The following GK5 variants were observed in gnomAD, a reference collection of about 807,000 sequenced individuals.
GK5 encodes glycerol kinase 5.
In GK5, 39 loss-of-function variants were observed where a neutral mutation model predicts 77.3. The observed-to-expected ratio is 0.50, with a 90% CI of 0.39 to 0.66. The LOEUF (loss-of-function observed/expected upper bound fraction) is 0.66. Among genes scored for constraint, GK5 ranks in the 30% least tolerant of loss-of-function variants. The pLI is 0.00. For synonymous variants in GK5, 211 were observed against 208.0 expected (o/e 1.01, Z -0.13); for missense variants, 487 against 633.8 (o/e 0.77, Z 2.49).
intron 8 of GK5, 84 bp downstream of exon 8, chr3:142,186,110 C>T: frequency 8.6e-7 from 1 of 1,169,202 alleles, no homozygotes; most frequent in Non-Finnish European, 1.3e-6. Flanking sequence ...GTCCTTCAAA[C>T]ATGTAATAAA....
chr3:142,211,456 G>A (rs977237074), intron 3 of GK5, among the ~76,000 whole-genome samples: 3 of 152,136 alleles, frequency 2.0e-5, no homozygotes, highest in Non-Finnish European at 4.4e-5. Context: ...CAGAGGAACT[G>A]CAGATGTAGG....
intron 5 of GK5, among the ~76,000 whole-genome samples, chr3:142,195,629 G>C (rs1481568600): frequency 6.6e-6 from 1 of 152,194 alleles, no homozygotes; most frequent in African/African-American, 2.4e-5. Context: ...TGGGATTACA[G>C]GCATGAGCCA....
intron 7 of GK5, 52 bp downstream of exon 7, chr3:142,186,400 T>C (rs946259136): frequency 9.1e-7 from 1 of 1,104,134 alleles, no homozygotes. Context: ...TTTAAATCTA[T>C]CTATATTACA....
intron 11 of GK5, among the ~76,000 whole-genome samples, chr3:142,178,188 TA>T: frequency 6.6e-6 from 1 of 152,164 alleles, no homozygotes; most frequent in East Asian, 1.9e-4. Context: ...TTGGGCTGTT[TA>T]AAAAATCAAT....
At chr3:142,167,416 T>G (rs1467127800) in intron 15 of GK5, among the ~76,000 whole-genome samples, 1 of 152,022 alleles carries the variant, frequency 6.6e-6, no homozygotes, top group Non-Finnish European at 1.5e-5. Context: ...AAGGTATTAA[T>G]GTAGACAAGT....
Position 142,157,952 on chromosome 3 carries a change from T to C in GK5, c.*7670A>G, listed in dbSNP as rs1009990508. On this transcript the variant is annotated 3_prime_UTR_variant, in exon 16 of 16. Transcript: ENST00000392993. ...TTGTTTTTTGTTGTTGTTGTTGTTG[T>C]TTTTGTTTTTTTTTTTTGAGATGGA... 7.0e-6 allele frequency: 1 copy of C among 142,168 alleles called. No homozygotes were observed. Among genetic ancestry groups the C allele is most frequent in the Non-Finnish European group, 1.5e-5 (1 of 67,038 alleles). 8.8% of individuals were successfully genotyped at this position (142,168 alleles called of 1,614,324 possible). A position where few individuals can be genotyped will look rare whatever the true frequency, so the allele number is the denominator to read the frequency against.
chr3:142,173,747 T>G (rs1049885712), intron 12 of GK5, among the ~76,000 whole-genome samples: 1 of 151,976 alleles, frequency 6.6e-6, no homozygotes, highest in Non-Finnish European at 1.5e-5. Flanking sequence ...CTGCTGGAGC[T>G]TGCAGTCTCA....
At position 142,225,185 on chromosome 3, in the gene GK5, C is replaced by T. The variant is rs1236762454; in HGVS notation, c.147+124G>A. On this transcript the variant is annotated intron_variant, in intron 1 of 15. Transcript: ENST00000392993. The stretch of plus-strand genomic sequence containing the variant: ...CGCGCCGTTCTGGCCCCAGGGCCCG[C>T]GGGTGCTGCAGGTGGCCGCGTCCAG... The T allele has an allele frequency of 5.6e-6, 6 of 1,071,202 alleles. No homozygotes were observed. The South Asian group carries it at 7.4e-5, about 13-fold the overall frequency. The allele number at this position is 1,071,202 out of a possible 1,614,324, so 66.4% of individuals were successfully genotyped here. A position where few individuals can be genotyped will look rare whatever the true frequency, so the allele number is the denominator to read the frequency against.
intron 3 of GK5, among the ~76,000 whole-genome samples, chr3:142,211,543 G>A (rs998142553): frequency 2.0e-5 from 3 of 152,180 alleles, no homozygotes; most frequent in African/African-American, 7.2e-5. Context: ...TGTAATCCCA[G>A]CGCTTTGGGA....
chr3:142,173,234 T>G, intron 12 of GK5: 2 of 426,718 alleles, frequency 4.7e-6, no homozygotes, highest in Non-Finnish European at 9.3e-6. Flanking sequence ...CACTCTTCTC[T>G]CTTAGCTTAA....
intron 13 of GK5, among the ~76,000 whole-genome samples, chr3:142,172,109 T>A (rs974683293): frequency 5.3e-5 from 8 of 152,208 alleles, no homozygotes; most frequent in Admixed American, 1.3e-4. Flanking sequence ...TTGAATTTTT[T>A]AAAAAAATCC....
intron 3 of GK5, among the ~76,000 whole-genome samples, chr3:142,209,951 A>AT (rs11393867): frequency 0.73 from 108,663 of 148,964 alleles, 40,542 homozygotes; most frequent in African/African-American, 0.92. Flanking sequence ...ACAGCTCGTG[A>AT]TTTTTTTTTT....
chr3:142,185,191 G>A, intron 9 of GK5: 1 of 802,182 alleles, frequency 1.2e-6, no homozygotes, highest in Non-Finnish European at 1.5e-6. Context: ...GGTGGCAGAA[G>A]GCCCCAGTCT....
chr3:142,196,507 T>C (rs980755218), intron 5 of GK5, among the ~76,000 whole-genome samples: 2 of 152,156 alleles, frequency 1.3e-5, no homozygotes, highest in Non-Finnish European at 2.9e-5. Context: ...TAAGTTTTGG[T>C]ATGTTGTATC....
intron 5 of GK5, among the ~76,000 whole-genome samples, chr3:142,192,199 C>T (rs1404908060): frequency 1.3e-5 from 2 of 152,162 alleles, no homozygotes; most frequent in African/African-American, 4.8e-5. Context: ...AAATCCAAAG[C>T]ACTGACAACA....
chr3:142,222,430 T>C (rs761735854), intron 1 of GK5, among the ~76,000 whole-genome samples: 2 of 152,060 alleles, frequency 1.3e-5, no homozygotes, highest in Non-Finnish European at 2.9e-5. Flanking sequence ...CCAGGCTTGG[T>C]GGCGGGCGCC....
At chr3:142,177,623 G>T in intron 11 of GK5, 47 bp from the exon 12 acceptor site, 1 of 1,049,486 alleles carries the variant, frequency 9.5e-7, no homozygotes, top group Non-Finnish European at 1.5e-6. Context: ...AAAATGAAGA[G>T]GTTAGAGAGG....
intron 11 of GK5, among the ~76,000 whole-genome samples, chr3:142,179,078 T>C (rs1314512445): frequency 1.3e-5 from 2 of 152,246 alleles, no homozygotes; most frequent in Non-Finnish European, 2.9e-5. Flanking sequence ...TGAATGAGTA[T>C]GTAGGACTGA....
At chr3:142,208,848 C>T (rs919149418) in intron 3 of GK5, among the ~76,000 whole-genome samples, 1 of 152,150 alleles carries the variant, frequency 6.6e-6, no homozygotes, top group Non-Finnish European at 1.5e-5. Flanking sequence ...CTGGAATACG[C>T]CCTATAAAGG....
Sources: gnomAD v4.1 joint callset for allele counts (sites outside exome capture counted in the v4.1 genomes callset) on GRCh38, gnomAD v4.1.1 for gene constraint, MANE v1.5 for transcripts, NCBI Gene and HGNC (gene_info 2026-07-23, HGNC 2026-07-21) for gene names.